BLTP1: variants seen among roughly 807,000 people sequenced by gnomAD.
BLTP1 encodes the protein fragile site-associated protein.
At chr4:122,271,056 C>A in the BLTP1 span, 1 of 1,612,354 alleles carries the variant, frequency 6.2e-7, no homozygotes, top group Non-Finnish European at 8.5e-7. Context: ...GAGTTCAAAC[C>A]AGCATTAATG....
At chr4:122,221,685 A>C in the BLTP1 span, 5 of 497,692 alleles carry the variant, frequency 1.0e-5, no homozygotes, top group Non-Finnish European at 1.3e-5. Context: ...AAAAAAAAAA[A>C]CCTCTTGTCC....
At chr4:122,239,966 C>T in the BLTP1 span, 4 of 1,614,002 alleles carry the variant, frequency 2.5e-6, no homozygotes, top group Non-Finnish European at 3.4e-6. Context: ...AGATTGACTA[C>T]AGTAGGGGTT....
the BLTP1 span, among the ~76,000 whole-genome samples, chr4:122,321,631 G>A: frequency 1.3e-5 from 2 of 151,916 alleles, no homozygotes; most frequent in African/African-American, 2.4e-5. Context: ...GGTCGATTAT[G>A]AATAAGATAA....
the BLTP1 span, among the ~76,000 whole-genome samples, chr4:122,285,598 C>T: frequency 6.6e-6 from 1 of 152,032 alleles, no homozygotes; most frequent in South Asian, 2.1e-4. Context: ...GTGAATGTGA[C>T]ATATAGGAGA....
the BLTP1 span, among the ~76,000 whole-genome samples, chr4:122,252,218 G>A: frequency 2.0e-4 from 30 of 152,302 alleles, no homozygotes; most frequent in African/African-American, 7.2e-4. Flanking sequence ...GACCTAGCAC[G>A]TTCCTAGCTG....
At chr4:122,267,606 A>G in the BLTP1 span, 1 of 976,260 alleles carries the variant, frequency 1.0e-6, no homozygotes. Context: ...TTGACGTGTC[A>G]GGTAGTATTT....
the BLTP1 span, chr4:122,344,356 G>A: frequency 6.2e-7 from 1 of 1,609,546 alleles, no homozygotes. Context: ...AGATGTGGGG[G>A]TTGTGTTTGT....
At chr4:122,339,372 G>A in the BLTP1 span, 1 of 1,612,922 alleles carries the variant, frequency 6.2e-7, no homozygotes, top group South Asian at 1.1e-5. Context: ...TACTCAGAGT[G>A]GAACAAAGAC....
At chr4:122,309,613 T>C in the BLTP1 span, 1 of 810,424 alleles carries the variant, frequency 1.2e-6, no homozygotes, top group South Asian at 1.9e-5. Flanking sequence ...TAACAAACCA[T>C]ATTCGTGAAA....
At chr4:122,170,524 G>A in the BLTP1 span, 24 of 1,351,216 alleles carry the variant, frequency 1.8e-5, no homozygotes, top group South Asian at 2.3e-4. Context: ...AATCAACTTC[G>A]TTTATTAAAT....
chr4:122,186,964 A>G, the BLTP1 span: 2 of 965,762 alleles, frequency 2.1e-6, no homozygotes, highest in Non-Finnish European at 2.5e-6. Flanking sequence ...TTAATTTGGC[A>G]CAAGGCATTT....
the BLTP1 span, among the ~76,000 whole-genome samples, chr4:122,192,005 G>A: frequency 3.9e-5 from 6 of 151,966 alleles, no homozygotes; most frequent in South Asian, 2.1e-4. Flanking sequence ...GTCAACATGA[G>A]TTTATTTTTA....
chr4:122,331,773 T>C, the BLTP1 span: 1 of 975,906 alleles, frequency 1.0e-6, no homozygotes, highest in African/African-American at 1.8e-5. Context: ...GCAAGTTTTT[T>C]AATTAAAATA....
At chr4:122,340,761 T>C in the BLTP1 span, 7 of 984,240 alleles carry the variant, frequency 7.1e-6, no homozygotes, top group African/African-American at 1.2e-4. Flanking sequence ...CAACAAAATA[T>C]TGTAGTGGTA....
chr4:122,262,837 G>A, the BLTP1 span: 13 of 1,613,812 alleles, frequency 8.1e-6, no homozygotes, highest in South Asian at 3.3e-5. Context: ...CATGTTGGAC[G>A]TGCTGGGATG....
At chr4:122,331,838 T>C in the BLTP1 span, 1 of 867,084 alleles carries the variant, frequency 1.2e-6, no homozygotes, top group Non-Finnish European at 1.4e-6. Flanking sequence ...TCTGTCCCTG[T>C]ATTATACATA....
chr4:122,152,906 G>T, the BLTP1 span: 13 of 778,706 alleles, frequency 1.7e-5, no homozygotes, highest in Non-Finnish European at 2.0e-5. Flanking sequence ...GCACCCGCAG[G>T]CTCGGACTGC....
the BLTP1 span, chr4:122,189,407 A>T: frequency 6.1e-6 from 6 of 983,856 alleles, no homozygotes; most frequent in Non-Finnish European, 4.8e-6. Context: ...TTCATTCCAG[A>T]GTTAGAGTTC....
At chr4:122,205,269 C>A in the BLTP1 span, among the ~76,000 whole-genome samples, 13 of 151,754 alleles carry the variant, frequency 8.6e-5, no homozygotes, top group Non-Finnish European at 1.6e-4. Flanking sequence ...ATAAACGCTA[C>A]CATTTGTGGA....
Sources: gnomAD v4.1 joint callset for allele counts (sites outside exome capture counted in the v4.1 genomes callset) on GRCh38, gnomAD v4.1.1 for gene constraint, MANE v1.5 for transcripts, NCBI Gene and HGNC (gene_info 2026-07-23, HGNC 2026-07-21) for gene names.